RNASET2: variants seen among roughly 807,000 people sequenced by gnomAD.
RNASET2 encodes ribonuclease T2, also known as ribonuclease 6.
RNASET2 carries 28 observed loss-of-function variants against 33.9 expected under a neutral mutation model. The ratio of observed to expected loss-of-function variants is 0.83; its 90% confidence interval spans 0.61 to 1.13. The LOEUF is 1.13. Among genes scored for constraint, RNASET2 ranks in the 50% most tolerant of loss-of-function variants. RNASET2 has a pLI of 0.00. For synonymous variants in RNASET2, 123 were observed against 121.0 expected (o/e 1.02, Z -0.11); for missense variants, 330 against 319.9 (o/e 1.03, Z -0.24).
chr6:166,939,054 C>A, intron 5 of RNASET2, 46 bp from the exon 6 acceptor site: 1 of 1,399,602 alleles, frequency 7.1e-7, no homozygotes, highest in Non-Finnish European at 1.0e-6. Flanking sequence ...GTGAAACAGG[C>A]TGCGTGCAGT....
Position 166,927,800 on chromosome 6 carries a change from T to G in RNASET2, c.*1788A>C, listed in dbSNP as rs1778331069. Reference sequence around the variant, plus strand: ...CCAACTCTAAAGTACACCCACTCCCTGAGGACGCAGAGCAAATGCAGGAAA... The same window carrying G: ...CCAACTCTAAAGTACACCCACTCCCGGAGGACGCAGAGCAAATGCAGGAAA... On this transcript the variant is annotated 3_prime_UTR_variant, in exon 9 of 9. Coordinates refer to ENST00000508775, the MANE Select transcript of RNASET2 (RefSeq NM_003730.6). 6.7e-6 allele frequency among the ~76,000 whole-genome samples: 1 copy of G among 149,508 alleles called. No homozygotes were observed. The highest frequency in any genetic ancestry group is 2.5e-5 in the African/African-American group (1 of 40,132).
chr6:166,929,865 T>G, intron 8 of RNASET2, 74 bp from the exon 9 acceptor site: 1 of 1,388,808 alleles, frequency 7.2e-7, no homozygotes, highest in Non-Finnish European at 1.0e-6. Flanking sequence ...ATCATGAACT[T>G]TTAGAACTTT....
intron 1 of RNASET2, among the ~76,000 whole-genome samples, chr6:166,955,207 ACGCACG>A (rs1239074438): frequency 1.8e-5 from 2 of 111,642 alleles, no homozygotes; most frequent in African/African-American, 4.1e-5. Flanking sequence ...GCACGCACAC[ACGCACG>A]CACACACGCG....
intron 6 of RNASET2, chr6:166,934,734 A>G (rs1031843589): frequency 6.5e-5 from 10 of 154,788 alleles, no homozygotes; most frequent in African/African-American, 2.4e-4. Context: ...AACAGGCTAT[A>G]CCACAAAGCA....
At chr6:166,951,714 C>T (rs1258962082) in intron 2 of RNASET2, among the ~76,000 whole-genome samples, 1 of 152,226 alleles carries the variant, frequency 6.6e-6, no homozygotes, top group Admixed American at 6.5e-5. Context: ...ATGCTACAAA[C>T]TGATGATTAA....
Position 166,927,235 on chromosome 6 carries a change from A to G in RNASET2, c.*2353T>C, listed in dbSNP as rs1778321147. 6.6e-6 allele frequency among the ~76,000 whole-genome samples: 1 copy of G among 152,096 alleles called. No homozygotes were observed. The highest frequency in any genetic ancestry group is 1.5e-5 in the Non-Finnish European group (1 of 68,042). On this transcript the variant is annotated 3_prime_UTR_variant, in exon 9 of 9. Coordinates refer to ENST00000508775, the MANE Select transcript of RNASET2 (RefSeq NM_003730.6). ...TCCCCTTCTGTCTCCTGCGGCTCATAAGTGCCTTATACTTACATGATCTGA... is the reference window on the plus strand; with the variant it reads ...TCCCCTTCTGTCTCCTGCGGCTCATGAGTGCCTTATACTTACATGATCTGA...
chr6:166,924,769 A>T lies in RNASET2; in HGVS notation c.*4819T>A, dbSNP rs921562414. 6.6e-6 allele frequency among the ~76,000 whole-genome samples: 1 copy of T among 152,148 alleles called. No individual in the cohort carries two copies. Among genetic ancestry groups the T allele is most frequent in the Non-Finnish European group, 1.5e-5 (1 of 68,020 alleles). On this transcript the variant is annotated 3_prime_UTR_variant, in exon 9 of 9. Transcript: ENST00000508775. ...GGAGTTTGAGACCAGCGTGACCAACATGGAGAAAACCCATCTCTACTAAAA... is the reference window on the plus strand; with the variant it reads ...GGAGTTTGAGACCAGCGTGACCAACTTGGAGAAAACCCATCTCTACTAAAA...
intron 5 of RNASET2, among the ~76,000 whole-genome samples, chr6:166,942,542 G>A (rs939312272): frequency 1.1e-4 from 17 of 152,116 alleles, no homozygotes; most frequent in African/African-American, 4.1e-4. Flanking sequence ...TATCACCCCA[G>A]CTGATCACAG....
chr6:166,955,615 G>A (rs886725757), intron 1 of RNASET2: 49 of 992,656 alleles, frequency 4.9e-5, no homozygotes, highest in Admixed American at 1.2e-4. Flanking sequence ...TCGCGTCCTA[G>A]GCTGGGAGCA....
At position 166,926,158 on chromosome 6, in the gene RNASET2, T is replaced by C. The variant is rs2128642943; in HGVS notation, c.*3430A>G. On this transcript the variant is annotated 3_prime_UTR_variant, in exon 9 of 9. Transcript: ENST00000508775. ...ATTTAGGCAAAATTTTTTTAAAAAG[T>C]TTCCAGTTCACTTTGAGGTTTCTAC... 6.6e-6 allele frequency among the ~76,000 whole-genome samples: 1 copy of C among 152,146 alleles called. No homozygotes were observed. Among genetic ancestry groups the C allele is most frequent in the Non-Finnish European group, 1.5e-5 (1 of 67,996 alleles).
Position 166,933,798 on chromosome 6 carries a change from T to G in RNASET2, c.492+293A>C. ...TAAGACTACGTTATAAAAGTGAATGTGACTCTTGAAACTGCAGATTCCACC... is the reference window on the plus strand; with the variant it reads ...TAAGACTACGTTATAAAAGTGAATGGGACTCTTGAAACTGCAGATTCCACC... On this transcript the variant is annotated intron_variant, in intron 7 of 8. Coordinates refer to ENST00000508775, the MANE Select transcript of RNASET2 (RefSeq NM_003730.6). The surrounding 1 kb of genome is among the most constrained non-coding windows in gnomAD (Gnocchi z 4.1). 2.0e-6 allele frequency: 1 copy of G among 493,988 alleles called. No individual in the cohort carries two copies. Among genetic ancestry groups the G allele is most frequent in the Non-Finnish European group, 3.6e-6 (1 of 277,142 alleles). The allele number at this position is 493,988 out of a possible 1,614,324, so 30.6% of individuals were successfully genotyped here. A position where few individuals can be genotyped will look rare whatever the true frequency, so the allele number is the denominator to read the frequency against.
rs114322892 is a variant in RNASET2 at position 166,951,944 on chromosome 6, C to G, written c.147+544G>C. 5.4e-3 allele frequency among the ~76,000 whole-genome samples: 818 copies of G among 152,280 alleles called. 8 individuals are homozygous for G. The highest frequency in any genetic ancestry group is 0.019 in the African/African-American group (783 of 41,544). On this transcript the variant is annotated intron_variant, in intron 2 of 8. Coordinates refer to ENST00000508775, the MANE Select transcript of RNASET2 (RefSeq NM_003730.6). ...TCCCTGTCCTAACCCCTCCTCCCAT[C>G]TGTGAACATGACCCTACATGGACAC... is the stretch of plus-strand genomic sequence containing the variant.
At chr6:166,936,606 G>A (rs1399992804) in intron 6 of RNASET2, among the ~76,000 whole-genome samples, 1 of 152,144 alleles carries the variant, frequency 6.6e-6, no homozygotes, top group Non-Finnish European at 1.5e-5. Flanking sequence ...GCGGTGCCAG[G>A]CTCCTGTTAA....
intron 3 of RNASET2, 140 bp from the exon 4 acceptor site, chr6:166,946,879 G>T: frequency 1.4e-6 from 1 of 706,694 alleles, no homozygotes; most frequent in Non-Finnish European, 2.6e-6. Flanking sequence ...CTTATCCCAG[G>T]CAGGATGCTT....
At chr6:166,942,976 G>C (rs751266623) in intron 5 of RNASET2, 43 bp downstream of exon 5, 5 of 1,530,612 alleles carry the variant, frequency 3.3e-6, no homozygotes, top group Non-Finnish European at 4.5e-6. Context: ...CCCCACACCC[G>C]CTCAGACAGT....
At chr6:166,936,229 T>C (rs1778562432) in intron 6 of RNASET2, among the ~76,000 whole-genome samples, 1 of 150,366 alleles carries the variant, frequency 6.7e-6, no homozygotes, top group South Asian at 2.1e-4. Context: ...GAACATTTAC[T>C]GAATGAATGA....
chr6:166,946,344 G>A (rs1234137764), intron 4 of RNASET2, among the ~76,000 whole-genome samples: 1 of 150,328 alleles, frequency 6.7e-6, no homozygotes, highest in African/African-American at 2.5e-5. Context: ...AGAAGTCCTG[G>A]GGCCTGGGAC....
In RNASET2 at chr6:166,927,966, A is replaced by G. The variant is rs1179782223; in HGVS notation, c.*1622T>C. On this transcript the variant is annotated 3_prime_UTR_variant, in exon 9 of 9. Transcript: ENST00000508775. Reference sequence around the variant, plus strand: ...ACTGGAGACAGAAATGAGCTCAGAGAAGGGCCGAGGGACAATGACAAGGTG... The same window carrying G: ...ACTGGAGACAGAAATGAGCTCAGAGGAGGGCCGAGGGACAATGACAAGGTG... 6.6e-6 allele frequency among the ~76,000 whole-genome samples: 1 copy of G among 152,186 alleles called. No individual in the cohort carries two copies. Among genetic ancestry groups the G allele is most frequent in the African/African-American group, 2.4e-5 (1 of 41,444 alleles).
chr6:166,935,824 C>T (rs986052272), intron 6 of RNASET2, among the ~76,000 whole-genome samples: 2 of 152,084 alleles, frequency 1.3e-5, no homozygotes, highest in Non-Finnish European at 2.9e-5. Flanking sequence ...ATTACGTGCA[C>T]CACCATGCCC....
Sources: allele counts gnomAD v4.1 joint callset (sites outside exome capture counted in the v4.1 genomes callset), GRCh38; gene constraint gnomAD v4.1.1; non-coding constraint Gnocchi (gnomAD v3.1); transcripts MANE v1.5; gene names NCBI Gene and HGNC (gene_info 2026-07-23, HGNC 2026-07-21).